The following ZBTB1 variants were observed in gnomAD, a reference collection of about 807,000 sequenced individuals.
ZBTB1 encodes zinc finger and BTB domain-containing protein 1.
In ZBTB1, 13 loss-of-function variants were observed where a neutral mutation model predicts 51.6. The observed-to-expected ratio is 0.25, with a 90% CI of 0.16 to 0.40. The LOEUF (loss-of-function observed/expected upper bound fraction) is 0.40, where lower values mean the gene tolerates loss of function less well. ZBTB1 is among the 10% of genes least tolerant of loss of function. The probability of loss-of-function intolerance (pLI) is 1.00; values close to 1 mark genes in which losing one functional copy is unlikely to be tolerated. For synonymous variants in ZBTB1, 240 were observed against 282.2 expected, an observed-to-expected ratio of 0.85 and a Z score of 1.50; for missense variants, 567 against 856.5, an observed-to-expected ratio of 0.66 and a Z score of 4.22.
intron 1 of ZBTB1, chr14:64,514,439 T>C (rs182945033): frequency 6.6e-6 from 1 of 152,346 alleles, no homozygotes; most frequent in East Asian, 1.9e-4. Flanking sequence ...AAAATTCCTT[T>C]AAGTTACTTC....
chr14:64,521,599 A>G lies in ZBTB1; in HGVS notation c.95A>G (p.Asp32Gly), dbSNP rs375361085. Residue 32 changes from aspartate (D) to glycine (G), a missense_variant, in exon 2 of 2, where the codon GAC (aspartate) becomes GGC (glycine). Asp to Gly is a moderately conservative substitution (Grantham distance 94). Around this residue, in one of 5 missense-constraint regions of ZBTB1, gnomAD observed 69 missense variants for 136.4 expected, o/e 0.51. Coordinates refer to ENST00000683701, the MANE Select transcript of ZBTB1 (RefSeq NM_001123329.2). Reference protein sequence around the residue: ...FLCDCCIAIDDIYFQAHKAVL... With the variant: ...FLCDCCIAIDGIYFQAHKAVL... ...TGTGACTGCTGTATTGCAATTGATG[A>G]CATTTACTTTCAAGCACACAAGGCA... 58 of 1,614,114 alleles carry G rather than the reference A, an allele frequency of 3.6e-5. No homozygotes were observed. Among genetic ancestry groups the G allele is most frequent in the Non-Finnish European group, 4.8e-5 (57 of 1,180,042 alleles).
chr14:64,505,978 G>C (rs1450079706), intron 1 of ZBTB1, among the ~76,000 whole-genome samples: 1 of 152,194 alleles, frequency 6.6e-6, no homozygotes, highest in African/African-American at 2.4e-5. Flanking sequence ...GAAGGATGCA[G>C]GTCTCATAAT....
chr14:64,531,790 A>G, intron 2 of ZBTB1: 1 of 1,588,284 alleles, frequency 6.3e-7, no homozygotes, highest in Non-Finnish European at 8.6e-7. Flanking sequence ...TCTAAGAATT[A>G]TGTTGTATCT....
intron 1 of ZBTB1, among the ~76,000 whole-genome samples, chr14:64,509,008 ATTG>A (rs2079695154): frequency 6.6e-6 from 1 of 152,170 alleles, no homozygotes; most frequent in South Asian, 2.1e-4. Context: ...TTGGTACCAT[ATTG>A]TTGTATGTAT....
chr14:64,524,941 A>G lies in ZBTB1; in HGVS notation c.*1295A>G, dbSNP rs994393961. On this transcript the variant is annotated 3_prime_UTR_variant, in exon 2 of 2. Transcript: ENST00000683701. Reference sequence around the variant, plus strand: ...AACTGACCCACCAATAAACACATCTATTGAATAGAATGCCTTTTAATGTGA... The same window carrying G: ...AACTGACCCACCAATAAACACATCTGTTGAATAGAATGCCTTTTAATGTGA... 1.0e-6 allele frequency: 1 copy of G among 984,572 alleles called. No individual in the cohort carries two copies. The highest frequency in any genetic ancestry group is 1.2e-6 in the Non-Finnish European group (1 of 829,518). The allele number at this position is 984,572 out of a possible 1,614,324, so 61.0% of individuals were successfully genotyped here.
At chr14:64,505,934 A>G (rs1181570022) in intron 1 of ZBTB1, among the ~76,000 whole-genome samples, 1 of 152,218 alleles carries the variant, frequency 6.6e-6, no homozygotes. Flanking sequence ...TTTTTGAGGC[A>G]ACGTAGGATC....
In ZBTB1 at chr14:64,522,463, C is replaced by T; in HGVS notation, c.959C>T (p.Ala320Val). 3 of 1,614,014 alleles carry T rather than the reference C, an allele frequency of 1.9e-6. No individual in the cohort carries two copies. The highest frequency in any genetic ancestry group is 2.5e-6 in the Non-Finnish European group (3 of 1,180,020). The part of the protein sequence containing the change: ...EIASEEKSRA[A>V]ERKRIIIKME... ...GCAAGCGAAGAGAAAAGCAGAGCTG[C>T]TGAGAGGAAAAGGATTATTATTAAG... The change falls in exon 2 of 2, where the codon GCT (alanine) becomes GTT (valine). Residue 320 changes from alanine to valine, a missense_variant. This residue lies in a region of ZBTB1 where 329 missense variants were observed against 406.3 expected (regional missense o/e 0.81). Coordinates refer to ENST00000683701, the MANE Select transcript of ZBTB1 (RefSeq NM_001123329.2).
downstream of ZBTB1, among the ~76,000 whole-genome samples, chr14:64,528,191 A>G (rs1206107256): frequency 6.6e-6 from 1 of 152,182 alleles, no homozygotes; most frequent in African/African-American, 2.4e-5. Context: ...AATTAAACAT[A>G]AAACTTGTGT....
rs1327023150 is a variant in ZBTB1, at chr14:64,517,767, A to G, written c.-18-3720A>G. Among the ~76,000 whole-genome samples, 8 of 64,564 alleles carry G rather than the reference A, an allele frequency of 1.2e-4. No homozygotes were observed. In the South Asian group the frequency reaches 2.2e-3, roughly 18 times the overall value. 42.4% of individuals were successfully genotyped at this position (64,564 alleles called of 152,430 possible). The stretch of plus-strand genomic sequence containing the variant: ...AGTTGCCATTTAGAAATATATATAT[A>G]TATATATATATATATTTTTTTTTTT... On this transcript the variant is annotated intron_variant, in intron 1 of 1. Coordinates refer to ENST00000683701, the MANE Select transcript of ZBTB1 (RefSeq NM_001123329.2).
intron 1 of ZBTB1, among the ~76,000 whole-genome samples, chr14:64,515,668 C>T (rs1327141897): frequency 6.6e-6 from 1 of 151,994 alleles, no homozygotes; most frequent in African/African-American, 2.4e-5. Flanking sequence ...ATACAGGTGC[C>T]TGCCACCACG....
chr14:64,532,001 G>C, exon 3 of ZBTB1: 1 of 1,399,660 alleles, frequency 7.1e-7, no homozygotes, highest in South Asian at 1.4e-5. Flanking sequence ...CATCTTTTCT[G>C]TCTTCCTGAC....
At chr14:64,505,157 C>G (rs1041115713) in intron 1 of ZBTB1, 1 of 337,222 alleles carries the variant, frequency 3.0e-6, no homozygotes, top group Admixed American at 4.9e-5. Flanking sequence ...GTGCGGCCTC[C>G]CTGAGTCGGA....
chr14:64,519,990 T>G (rs975189796), intron 1 of ZBTB1, among the ~76,000 whole-genome samples: 59 of 22,336 alleles, frequency 2.6e-3, no homozygotes, highest in African/African-American at 0.016. Flanking sequence ...CTAATAAGGT[T>G]GTTGTTGTTG....
intron 1 of ZBTB1, among the ~76,000 whole-genome samples, chr14:64,505,693 T>C (rs980795187): frequency 2.6e-5 from 4 of 152,210 alleles, no homozygotes; most frequent in African/African-American, 9.7e-5. Context: ...GTACATGATC[T>C]GAAGGGTTGA....
At chr14:64,519,205 G>A (rs1347497113) in intron 1 of ZBTB1, among the ~76,000 whole-genome samples, 2 of 147,032 alleles carry the variant, frequency 1.4e-5, no homozygotes, top group African/African-American at 2.5e-5. Flanking sequence ...CTGGAGTGTA[G>A]TGGCACAATC....
chr14:64,529,591 G>T (rs1199010100), downstream of ZBTB1, among the ~76,000 whole-genome samples: 1 of 151,968 alleles, frequency 6.6e-6, no homozygotes, highest in Non-Finnish European at 1.5e-5. Flanking sequence ...TGGCAACACA[G>T]CGAAACCCCA....
At chr14:64,533,621 A>G (rs560411363) in exon 3 of ZBTB1, 4 of 152,642 alleles carry the variant, frequency 2.6e-5, no homozygotes, top group African/African-American at 9.6e-5. Context: ...ATTGGGTTAA[A>G]GTACTTTTAT....
intron 1 of ZBTB1, among the ~76,000 whole-genome samples, chr14:64,518,161 G>A (rs1446978581): frequency 6.6e-6 from 1 of 151,976 alleles, no homozygotes; most frequent in South Asian, 2.1e-4. Context: ...TTAATTCACT[G>A]CCACATGACA....
At position 64,523,757 on chromosome 14, in the gene ZBTB1, C is replaced by A; in HGVS notation, c.*111C>A. 7.3e-7 allele frequency: 1 copy of A among 1,363,848 alleles called. No individual in the cohort carries two copies. Among genetic ancestry groups the A allele is most frequent in the Non-Finnish European group, 9.5e-7 (1 of 1,054,872 alleles). The allele number at this position is 1,363,848 out of a possible 1,614,324, so 84.5% of individuals were successfully genotyped here. A position where few individuals can be genotyped will look rare whatever the true frequency, so the allele number is the denominator to read the frequency against. The stretch of plus-strand genomic sequence containing the variant: ...AAGATGATTTGTTAGAAACAAATTT[C>A]AAGGCCCTTTTAACTTTAATATTTT... On this transcript the variant is annotated 3_prime_UTR_variant, in exon 2 of 2. Transcript: ENST00000683701. This position sits in a 1 kb window ranked among gnomAD's most constrained non-coding sequence, Gnocchi z 4.5.
Sources: allele counts gnomAD v4.1 joint callset (sites outside exome capture counted in the v4.1 genomes callset), GRCh38; gene constraint gnomAD v4.1.1; regional missense constraint gnomAD v4.1.1; non-coding constraint Gnocchi (gnomAD v3.1); transcripts MANE v1.5; gene names NCBI Gene and HGNC (gene_info 2026-07-23, HGNC 2026-07-21).